The following DNAH2 variants were observed in gnomAD, a reference collection of about 807,000 sequenced individuals.
The protein encoded by DNAH2 is axonemal beta dynein heavy chain 2.
A neutral mutation model predicts 523.5 loss-of-function variants in DNAH2; 323 were observed. The observed-to-expected ratio is 0.62, with a 90% CI of 0.56 to 0.68. DNAH2 has a LOEUF of 0.68. Ranked by LOEUF, DNAH2 falls within the 30% of genes least tolerant of loss-of-function variation. The probability of loss-of-function intolerance (pLI) is 0.00; values close to 1 mark genes in which losing one functional copy is unlikely to be tolerated. For missense variants in DNAH2, 4,907 were observed against 5,701.5 expected, an observed-to-expected ratio of 0.86 and a Z score of 4.49; for synonymous variants, 2,093 against 2,177.4, an observed-to-expected ratio of 0.96 and a Z score of 1.08.
At chr17:7,810,401 GT>G (rs1217973731) in intron 63 of DNAH2, among the ~76,000 whole-genome samples, 1 of 151,680 alleles carries the variant, frequency 6.6e-6, no homozygotes, top group Non-Finnish European at 1.5e-5. Flanking sequence ...GTTTCGTTTT[GT>G]TTTTGAGAGA....
In DNAH2 at chr17:7,823,617, C is replaced by T. The variant is rs200829584; in HGVS notation, c.11318C>T (p.Ala3773Val). ...TATACCAATGCTGCCCCGGAGAAGG[C>T]GATGCTGCCAGGTACCAGGCGTCTG... ...LWYTNAAPEK[A>V]MLPGEWENAC... The change falls in exon 74 of 86, where the codon GCG (alanine) becomes GTG (valine). Residue 3773 changes from alanine (A) to valine (V), a missense_variant. Coordinates refer to ENST00000572933, the MANE Select transcript of DNAH2 (RefSeq NM_020877.5). 10 of 1,613,782 alleles carry T rather than the reference C, an allele frequency of 6.2e-6. No individual in the cohort carries two copies. The highest frequency in any genetic ancestry group is 4.0e-5 in the African/African-American group (3 of 74,924).
At chr17:7,775,375 G>T in intron 30 of DNAH2, 33 bp downstream of exon 30, 1 of 1,580,544 alleles carries the variant, frequency 6.3e-7, no homozygotes, top group Non-Finnish European at 8.6e-7. Context: ...GGACCTAGCT[G>T]ATTCTTCTTC....
rs781026233 is a variant in DNAH2 at position 7,760,784 on chromosome 17, G to T, written c.2830G>T (p.Gly944Cys). The stretch of plus-strand genomic sequence containing the variant: ...GAAGATCCAGACCCAAATCAGCAGC[G>T]GCATGACTAACAACGCAAGCCTGCT... Reference protein sequence around the residue: ...IKKIQTQISSGMTNNASLLQN... With the variant: ...IKKIQTQISSCMTNNASLLQN... Residue 944 changes from glycine to cysteine, a missense_variant, in exon 18 of 86, where the codon GGC becomes TGC. Physicochemically the swap from Gly to Cys is radical, Grantham distance 159 (BLOSUM62 -3). Coordinates refer to ENST00000572933, the MANE Select transcript of DNAH2 (RefSeq NM_020877.5). This position sits in a 1 kb window ranked among gnomAD's most constrained non-coding sequence, Gnocchi z 4.0. The T allele has an allele frequency of 6.2e-7, 1 of 1,613,996 alleles. No individual in the cohort carries two copies. The highest frequency in any genetic ancestry group is 1.3e-5 in the African/African-American group (1 of 74,902).
intron 7 of DNAH2, 41 bp from the exon 8 acceptor site, chr17:7,737,026 T>G (rs772341890): frequency 1.4e-5 from 22 of 1,542,574 alleles, no homozygotes; most frequent in Non-Finnish European, 1.9e-5. Context: ...ATCAGTGCTT[T>G]CTAGTGCATA....
rs1373062295 is a variant in DNAH2 at position 7,821,168 on chromosome 17, G to A, written c.11016-75G>A. On this transcript the variant is annotated intron_variant, in intron 72 of 85. Transcript: ENST00000572933. This position sits in a 1 kb window ranked among gnomAD's most constrained non-coding sequence, Gnocchi z 5.0. ...CTCTGTGTGAAGCTGTGTGATAGTA[G>A]CATCATAGCATTCGCATGGAGCATC... The A allele has an allele frequency of 7.7e-6, 12 of 1,553,014 alleles. No homozygotes were observed. Among genetic ancestry groups the A allele is most frequent in the Non-Finnish European group, 9.6e-6 (11 of 1,144,772 alleles).
chr17:7,735,941 C>T (rs576430585), intron 7 of DNAH2, among the ~76,000 whole-genome samples: 32 of 152,018 alleles, frequency 2.1e-4, no homozygotes, highest in African/African-American at 6.0e-4. Context: ...TTAGTAAAGA[C>T]GGAGTTTCAT....
chr17:7,800,944 C>T (rs2077206279), intron 56 of DNAH2, among the ~76,000 whole-genome samples: 1 of 150,690 alleles, frequency 6.6e-6, no homozygotes, highest in Admixed American at 6.6e-5. Context: ...GCCATGTTGG[C>T]TCACTGCAAC....
chr17:7,817,469 G>A, intron 65 of DNAH2, 54 bp downstream of exon 65: 1 of 1,613,212 alleles, frequency 6.2e-7, no homozygotes, highest in Non-Finnish European at 8.5e-7. Context: ...GCTGGGGGCA[G>A]GACCTTTGGG....
Position 7,801,593 on chromosome 17 carries a change from G to A in DNAH2, c.8715G>A (p.Gln2905=). The change falls in exon 57 of 86, where the codon CAG becomes CAA. Residue 2905 remains glutamine, a synonymous_variant. Coordinates refer to ENST00000572933, the MANE Select transcript of DNAH2 (RefSeq NM_020877.5). Reference sequence around the variant, plus strand: ...CCCTTCCCAGGAACTGGATCCGCCAGTACCCAGCCTTGGTGAACTGCACAA... The same window carrying A: ...CCCTTCCCAGGAACTGGATCCGCCAATACCCAGCCTTGGTGAACTGCACAA... ...MGDPFRNWIR[Q]YPALVNCTTI... The A allele has an allele frequency of 6.2e-7, 1 of 1,614,202 alleles. No homozygotes were observed. Among genetic ancestry groups the A allele is most frequent in the Non-Finnish European group, 8.5e-7 (1 of 1,180,032 alleles).
chr17:7,802,054 G>A, intron 58 of DNAH2, 37 bp downstream of exon 58: 1 of 1,611,868 alleles, frequency 6.2e-7, no homozygotes, highest in Non-Finnish European at 8.5e-7. Flanking sequence ...GGGCCAGGGA[G>A]GCTGGTGTCT....
In DNAH2 at chr17:7,741,005, C is replaced by A. The variant is rs780116584; in HGVS notation, c.1689+13C>A. The A allele has an allele frequency of 6.3e-6, 10 of 1,588,528 alleles. No homozygotes were observed. Among genetic ancestry groups the A allele is most frequent in the Non-Finnish European group, 7.7e-6 (9 of 1,161,440 alleles). On this transcript the variant is annotated intron_variant, in intron 11 of 85. Transcript: ENST00000572933. ...CAGAGTCATGACCGTAAGTGCCTGG[C>A]CTTCTCCATATTCTGTCGTCAGTGA...
At chr17:7,777,028 T>A in intron 32 of DNAH2, 139 bp downstream of exon 32, 1 of 650,430 alleles carries the variant, frequency 1.5e-6, no homozygotes, top group Admixed American at 2.6e-5. Flanking sequence ...TACCAAAAAA[T>A]ACAAAAATTA....
At chr17:7,725,467 C>G (rs2074775007) in intron 3 of DNAH2, among the ~76,000 whole-genome samples, 1 of 119,936 alleles carries the variant, frequency 8.3e-6, no homozygotes, top group Admixed American at 8.1e-5. Context: ...GAGTCTTGCT[C>G]TGTTACCCAG....
intron 58 of DNAH2, among the ~76,000 whole-genome samples, chr17:7,803,573 G>A (rs1187619880): frequency 6.6e-6 from 1 of 152,188 alleles, no homozygotes. Flanking sequence ...GGGAGGCTGA[G>A]GCGGGAGAAT....
Position 7,831,888 on chromosome 17 carries a change from C to A in DNAH2, c.12726+113C>A. ...TAAAGCAAACTGCAGAGAGCCGAAA[C>A]TTTGAAGTTAGATAGGTTCAAGGTT... is the stretch of plus-strand genomic sequence containing the variant. On this transcript the variant is annotated intron_variant, in intron 82 of 85. Transcript: ENST00000572933. This position sits in a 1 kb window ranked among gnomAD's most constrained non-coding sequence, Gnocchi z 4.2. 1.1e-6 allele frequency: 1 copy of A among 906,202 alleles called. No individual in the cohort carries two copies. Among genetic ancestry groups the A allele is most frequent in the Non-Finnish European group, 1.6e-6 (1 of 606,566 alleles). 56.1% of individuals were successfully genotyped at this position (906,202 alleles called of 1,614,324 possible).
Position 7,776,021 on chromosome 17 carries a change from C to G in DNAH2, c.4822-3C>G, listed in dbSNP as rs374946191. ...GCTGCCCTATTCTCCCACCTCCCCC[C>G]AGTCCTGGCTTGGCGATGTGGAACA... On this transcript the variant is annotated splice_polypyrimidine_tract_variant and splice_region_variant and intron_variant, in intron 30 of 85. Transcript: ENST00000572933. The G allele has an allele frequency of 6.8e-6, 11 of 1,613,780 alleles. No homozygotes were observed. Among genetic ancestry groups the G allele is most frequent in the Admixed American group, 1.7e-5 (1 of 60,016 alleles).
At chr17:7,740,097 G>C (rs528980693) in intron 9 of DNAH2, among the ~76,000 whole-genome samples, 159 bp downstream of exon 9, 226 of 145,738 alleles carry the variant, frequency 1.6e-3, no homozygotes, top group Non-Finnish European at 3.0e-3. Context: ...GTGCAGGGGA[G>C]GGGGGTGGCA....
At chr17:7,765,649 A>C in intron 21 of DNAH2, 84 bp downstream of exon 21, 11 of 1,481,592 alleles carry the variant, frequency 7.4e-6, no homozygotes, top group South Asian at 1.3e-5. Context: ...GAAGGCGAGA[A>C]CTGGGAGGGG....
intron 4 of DNAH2, among the ~76,000 whole-genome samples, chr17:7,731,257 A>C (rs2074979550): frequency 6.6e-6 from 1 of 152,070 alleles, no homozygotes; most frequent in African/African-American, 2.4e-5. Context: ...ATCTTGGATT[A>C]GATTCTGGAT....
Sources: allele counts gnomAD v4.1 joint callset (sites outside exome capture counted in the v4.1 genomes callset), GRCh38; gene constraint gnomAD v4.1.1; non-coding constraint Gnocchi (gnomAD v3.1); transcripts MANE v1.5; gene names NCBI Gene and HGNC (gene_info 2026-07-23, HGNC 2026-07-21).